ACAN: variants seen among roughly 807,000 people sequenced by gnomAD.
ACAN encodes the protein aggrecan core protein.
In ACAN, 47 loss-of-function variants were observed where a neutral mutation model predicts 169.1. The observed-to-expected ratio is 0.28, with a 90% confidence interval of 0.22 to 0.35. The LOEUF (loss-of-function observed/expected upper bound fraction) is 0.35, where lower values mean the gene tolerates loss of function less well. Ranked by LOEUF, ACAN falls within the 10% of genes least tolerant of loss-of-function variation. ACAN has a pLI of 1.00. For synonymous variants in ACAN, 1,115 were observed against 1,112.2 expected (o/e 1.00, Z -0.05); for missense variants, 2,716 against 2,759.9 (o/e 0.98, Z 0.36).
intron 1 of ACAN, among the ~76,000 whole-genome samples, chr15:88,823,606 C>T (rs1028564842): frequency 2.0e-5 from 3 of 152,126 alleles, no homozygotes; most frequent in African/African-American, 2.4e-5. Flanking sequence ...TCATCCTTCA[C>T]GTGCCCACCC....
At chr15:88,835,268 G>A (rs1395124921) in intron 1 of ACAN, among the ~76,000 whole-genome samples, 3 of 152,174 alleles carry the variant, frequency 2.0e-5, no homozygotes, top group East Asian at 3.9e-4. Flanking sequence ...TTGGTGGCAG[G>A]CCCAAGTTTC....
At chr15:88,822,725 C>T (rs143953367) in intron 1 of ACAN, among the ~76,000 whole-genome samples, 13 of 152,240 alleles carry the variant, frequency 8.5e-5, no homozygotes, top group African/African-American at 7.2e-5. Flanking sequence ...TGAGCCACCA[C>T]GCCTGGCCGC....
chr15:88,874,461 C>CA lies in ACAN; in HGVS notation c.7687_7688insA (p.Arg2563GlnfsTer18). On this transcript the variant is annotated frameshift_variant, in exon 19 of 19. Transcript: ENST00000560601. LOFTEE classifies it high-confidence loss of function. This position sits in a 1 kb window ranked among gnomAD's most constrained non-coding sequence, Gnocchi z 7.3. ...GAGCTCACGGCACCCTCGGAGGAGCCGCCCCAGCACAGCCCACTGAGAAGA... is the reference window on the plus strand; with the variant it reads ...GAGCTCACGGCACCCTCGGAGGAGCCAGCCCCAGCACAGCCCACTGAGAAGA... 6.2e-7 allele frequency: 1 copy of CA among 1,605,072 alleles called. No individual in the cohort carries two copies.
In ACAN at chr15:88,858,774, A is replaced by C; in HGVS notation, c.6189A>C (p.Thr2063=). The change falls in exon 12 of 19, where the codon ACA becomes ACC. Residue 2063 remains threonine, a synonymous_variant. Coordinates refer to ENST00000560601, the MANE Select transcript of ACAN (RefSeq NM_001369268.1). This position sits in a 1 kb window ranked among gnomAD's most constrained non-coding sequence, Gnocchi z 4.0. The part of the protein sequence containing the change: ...ELGQRPPVTH[T]PQLFESSGKV... ...GCCAAAGGCCCCCTGTGACACACAC[A>C]CCCCAGCTTTTTGAGTCCAGTGGAA... 1.2e-6 allele frequency: 2 copies of C among 1,613,814 alleles called. No individual in the cohort carries two copies. The highest frequency in any genetic ancestry group is 1.7e-6 in the Non-Finnish European group (2 of 1,179,846).
At chr15:88,810,146 G>C (rs988486549) in intron 1 of ACAN, among the ~76,000 whole-genome samples, 4 of 152,088 alleles carry the variant, frequency 2.6e-5, no homozygotes, top group African/African-American at 9.7e-5. Flanking sequence ...GGCTGCTCTT[G>C]CACCCAGGCT....
chr15:88,860,793 C>T (rs73465073), intron 13 of ACAN, among the ~76,000 whole-genome samples: 222 of 152,248 alleles, frequency 1.5e-3, no homozygotes, highest in African/African-American at 5.0e-3. Flanking sequence ...CACACCTCTC[C>T]GCTCCTGGTG....
intron 1 of ACAN, among the ~76,000 whole-genome samples, chr15:88,809,301 A>G (rs1207213552): frequency 1.3e-5 from 2 of 152,100 alleles, no homozygotes; most frequent in African/African-American, 4.8e-5. Flanking sequence ...TGGGAGGAGC[A>G]CTGCACTTGG....
Position 88,857,853 on chromosome 15 carries a change from C to G in ACAN, c.5268C>G (p.Ser1756Arg). The G allele has an allele frequency of 6.2e-7, 1 of 1,613,700 alleles. No individual in the cohort carries two copies. The change falls in exon 12 of 19, where the codon AGC (serine) becomes AGG (arginine). Residue 1756 changes from serine (S) to arginine (R), a missense_variant. Physicochemically the swap from Ser to Arg is moderately radical, Grantham distance 110 (BLOSUM62 -1). Coordinates refer to ENST00000560601, the MANE Select transcript of ACAN (RefSeq NM_001369268.1). Reference protein sequence around the residue: ...SGETSGVTELSGLSSGQPGIS... With the variant: ...SGETSGVTELRGLSSGQPGIS... The stretch of plus-strand genomic sequence containing the variant: ...AAACATCTGGAGTGACTGAGCTTAG[C>G]GGGCTGTCCTCTGGACAACCAGGTA...
Position 88,854,913 on chromosome 15 carries a change from T to G in ACAN, c.2328T>G (p.Ser776=), listed in dbSNP as rs1018384999. The part of the protein sequence containing the change: ...AATEESTEGP[S]ATEVPSASEE... ...CAGAGGAAAGTACAGAAGGCCCTTC[T>G]GCAACTGAAGTGCCCTCTGCCTCAG... is the stretch of plus-strand genomic sequence containing the variant. Residue 776 remains serine, a synonymous_variant, in exon 12 of 19, where the codon TCT becomes TCG. Transcript: ENST00000560601. 2 of 1,583,422 alleles carry G rather than the reference T, an allele frequency of 1.3e-6. No individual in the cohort carries two copies. Among genetic ancestry groups the G allele is most frequent in the Non-Finnish European group, 1.7e-6 (2 of 1,167,454 alleles).
intron 1 of ACAN, among the ~76,000 whole-genome samples, chr15:88,822,311 C>T (rs937192373): frequency 3.9e-5 from 6 of 152,190 alleles, no homozygotes; most frequent in African/African-American, 1.4e-4. Flanking sequence ...AACCTTTCTT[C>T]GGGCAAAGTT....
intron 1 of ACAN, among the ~76,000 whole-genome samples, chr15:88,810,569 T>C (rs1435781323): frequency 6.6e-6 from 1 of 152,100 alleles, no homozygotes; most frequent in Non-Finnish European, 1.5e-5. Context: ...CCCATCTCCC[T>C]TTGACCTGCA....
At chr15:88,805,808 T>C (rs762901104) in intron 1 of ACAN, among the ~76,000 whole-genome samples, 1 of 152,232 alleles carries the variant, frequency 6.6e-6, no homozygotes, top group Non-Finnish European at 1.5e-5. Context: ...AGGGAATATT[T>C]TGTTTAATGT....
At chr15:88,847,056 G>C (rs1463402925) in intron 7 of ACAN, among the ~76,000 whole-genome samples, 187 bp from the exon 8 acceptor site, 1 of 152,228 alleles carries the variant, frequency 6.6e-6, no homozygotes, top group Non-Finnish European at 1.5e-5. Context: ...CCACGCAGGG[G>C]AGGGGCAGAT....
intron 13 of ACAN, among the ~76,000 whole-genome samples, chr15:88,860,925 C>T (rs890580469): frequency 3.9e-5 from 6 of 152,144 alleles, no homozygotes; most frequent in Admixed American, 6.5e-5. Context: ...ACACAAACAA[C>T]GGTAATCACC....
In ACAN at chr15:88,858,795, T is replaced by C. The variant is rs551308331; in HGVS notation, c.6210T>C (p.Ser2070=). The change falls in exon 12 of 19, where the codon AGT becomes AGC. Residue 2070 remains serine, a synonymous_variant. Coordinates refer to ENST00000560601, the MANE Select transcript of ACAN (RefSeq NM_001369268.1). The surrounding 1 kb of genome is among the most constrained non-coding windows in gnomAD (Gnocchi z 4.0). The part of the protein sequence containing the change: ...VTHTPQLFES[S]GKVSTAGDIS... ...ACACACCCCAGCTTTTTGAGTCCAG[T>C]GGAAAAGTCTCCACAGCTGGGGACA... 37 of 1,613,784 alleles carry C rather than the reference T, an allele frequency of 2.3e-5. No homozygotes were observed. The Middle Eastern group carries it at 1.5e-3, about 65-fold the overall frequency.
intron 2 of ACAN, 122 bp downstream of exon 2, chr15:88,836,398 C>T (rs1387444537): frequency 2.3e-6 from 2 of 858,996 alleles, no homozygotes; most frequent in African/African-American, 1.7e-5. Context: ...CTGGACTTTT[C>T]CTGGCCCCAC....
At position 88,874,581 on chromosome 15, in the gene ACAN, A is replaced by G; in HGVS notation, c.*100A>G. The G allele has an allele frequency of 8.9e-7, 1 of 1,126,966 alleles. No homozygotes were observed. The highest frequency in any genetic ancestry group is 2.6e-5 in the East Asian group (1 of 38,958). The allele number at this position is 1,126,966 out of a possible 1,614,324, so 69.8% of individuals were successfully genotyped here. A position where few individuals can be genotyped will look rare whatever the true frequency, so the allele number is the denominator to read the frequency against. ...TGTCCTCTTCTTGTCGCTTTTTGTC[A>G]TATAAGGAATCCCATTAAAGAAGGA... is the stretch of plus-strand genomic sequence containing the variant. On this transcript the variant is annotated 3_prime_UTR_variant, in exon 19 of 19. Coordinates refer to ENST00000560601, the MANE Select transcript of ACAN (RefSeq NM_001369268.1). This position sits in a 1 kb window ranked among gnomAD's most constrained non-coding sequence, Gnocchi z 7.3.
In ACAN at chr15:88,859,113, TGTG is replaced by T. The variant is rs754609660; in HGVS notation, c.6530_6532del (p.Val2177del). 3 of 1,613,894 alleles carry T rather than the reference TGTG, an allele frequency of 1.9e-6. No individual in the cohort carries two copies. Among genetic ancestry groups the T allele is most frequent in the Non-Finnish European group, 2.5e-6 (3 of 1,179,906 alleles). The stretch of plus-strand genomic sequence containing the variant: ...GTGGAGAATCCACCACCACCAGTGA[TGTG>T]GGGACAGAGGCACCAGGCTTGCCTT... On this transcript the variant is annotated inframe_deletion, in exon 12 of 19. Coordinates refer to ENST00000560601, the MANE Select transcript of ACAN (RefSeq NM_001369268.1).
chr15:88,840,320 C>A (rs1422320189), intron 4 of ACAN, 134 bp downstream of exon 4: 2 of 1,139,450 alleles, frequency 1.8e-6, no homozygotes, highest in African/African-American at 1.6e-5. Flanking sequence ...GGTTAGAGGC[C>A]GTGGTCACAC....
Sources: allele counts gnomAD v4.1 joint callset (sites outside exome capture counted in the v4.1 genomes callset), GRCh38; gene constraint gnomAD v4.1.1; non-coding constraint Gnocchi (gnomAD v3.1); transcripts MANE v1.5; gene names NCBI Gene and HGNC (gene_info 2026-07-23, HGNC 2026-07-21).